Variants in VILL observed in about 807,000 individuals in gnomAD.
VILL encodes the protein villin-like protein.
A neutral mutation model predicts 106.3 loss-of-function variants in VILL; 102 were observed. The observed-to-expected ratio is 0.96, with a 90% CI of 0.82 to 1.13. The LOEUF (loss-of-function observed/expected upper bound fraction) is 1.13, where lower values mean the gene tolerates loss of function less well. VILL is among the 50% of genes most tolerant of loss of function. The pLI is 0.00. For synonymous variants in VILL, 431 were observed against 440.3 expected (o/e 0.98, Z 0.27); for missense variants, 1,076 against 1,116.6 (o/e 0.96, Z 0.52).
chr3:38,006,615 C>T lies in VILL; in HGVS notation c.2372C>T (p.Thr791Met), dbSNP rs747938968. ...AGCTCCGTCAGCAGCACCAGCGCCACGATCAACGGGGGCCTGCGCCGGGAA... is the reference window on the plus strand; with the variant it reads ...AGCTCCGTCAGCAGCACCAGCGCCATGATCAACGGGGGCCTGCGCCGGGAA... ...TSSSVSSTSA[T>M]INGGLRREQL... The change falls in exon 19 of 20, where the codon ACG becomes ATG. Residue 791 changes from threonine to methionine, a missense_variant. Thr to Met is a moderately conservative substitution (Grantham distance 81). Transcript: ENST00000383759. 1.6e-5 allele frequency: 26 copies of T among 1,613,942 alleles called. No homozygotes were observed. Among genetic ancestry groups the T allele is most frequent in the Middle Eastern group, 1.7e-4 (1 of 6,044 alleles).
At chr3:37,996,965 A>T in intron 5 of VILL, 112 bp from the exon 6 acceptor site, 1 of 856,892 alleles carries the variant, frequency 1.2e-6, no homozygotes, top group Non-Finnish European at 1.9e-6. Flanking sequence ...ACACATGCCT[A>T]CGTACACCCA....
upstream of VILL, among the ~76,000 whole-genome samples, chr3:37,988,700 C>CAAAA (rs1473908707): frequency 6.6e-6 from 1 of 151,992 alleles, no homozygotes; most frequent in Non-Finnish European, 1.5e-5. Flanking sequence ...CCGTCTCTAC[C>CAAAA]AAAAATACAA....
rs762462517 is a variant in VILL at position 38,006,547 on chromosome 3, T to C, written c.2304T>C (p.Asn768=). The C allele has an allele frequency of 1.9e-6, 3 of 1,614,070 alleles. No homozygotes were observed. The Admixed American group carries it at 5.0e-5, about 27-fold the overall frequency. ...AGGGCTCCCAGGACAGCTCAGAGAA[T>C]GATCTGGTGCGAAGCCCCAAGTCGG... The part of the protein sequence containing the change: ...ALKGSQDSSE[N]DLVRSPKSAG... The change falls in exon 19 of 20, where the codon AAT becomes AAC. Residue 768 remains asparagine, a synonymous_variant. Transcript: ENST00000383759.
At position 38,003,279 on chromosome 3, in the gene VILL, CT is replaced by C. The variant is rs1380457189; in HGVS notation, c.1772del (p.Leu591ArgfsTer83). The C allele has an allele frequency of 4.3e-6, 7 of 1,613,074 alleles. No homozygotes were observed. The East Asian group carries it at 1.6e-4, about 36-fold the overall frequency. ...GGAGCCTCCCCACTTCTGGGAGGCC[CT>C]GGGAGGCCGGGCCCCCTACCCCAGC... ...GQEPPHFWEA[L>X]GGRAPYPSNK... On this transcript the variant is annotated frameshift_variant, in exon 15 of 20. Transcript: ENST00000383759. LOFTEE classifies it high-confidence loss of function.
Position 38,006,931 on chromosome 3 carries a change from C to T in VILL, c.2458-11C>T, listed in dbSNP as rs762121864. On this transcript the variant is annotated splice_polypyrimidine_tract_variant and intron_variant, in intron 19 of 19. Coordinates refer to ENST00000383759, the MANE Select transcript of VILL (RefSeq NM_015873.4). ...CCCTACCCTGTACCTCCCCCTCTCT[C>T]CCCTGCCCAGTTCTATCTCTCAGAC... 20 of 1,610,434 alleles carry T rather than the reference C, an allele frequency of 1.2e-5. No homozygotes were observed. The highest frequency in any genetic ancestry group is 1.7e-4 in the Middle Eastern group (1 of 6,056).
At chr3:38,000,438 G>A (rs1011328128) in intron 11 of VILL, among the ~76,000 whole-genome samples, 3 of 151,922 alleles carry the variant, frequency 2.0e-5, no homozygotes, top group Non-Finnish European at 4.4e-5. Flanking sequence ...TGGGGTGGAG[G>A]AAGAGCAGGG....
chr3:37,998,047 G>A lies in VILL; in HGVS notation c.765-43G>A. 1 of 1,546,756 alleles carries A rather than the reference G, an allele frequency of 6.5e-7. No individual in the cohort carries two copies. Among genetic ancestry groups the A allele is most frequent in the Non-Finnish European group, 8.8e-7 (1 of 1,138,338 alleles). ...ATGGGGCTGGAGTGGAGACAGATCAGGGAGGGGCTGGGCTGGCCACTCCTG... is the reference window on the plus strand; with the variant it reads ...ATGGGGCTGGAGTGGAGACAGATCAAGGAGGGGCTGGGCTGGCCACTCCTG... On this transcript the variant is annotated intron_variant, in intron 7 of 19. Coordinates refer to ENST00000383759, the MANE Select transcript of VILL (RefSeq NM_015873.4). The surrounding 1 kb of genome is among the most constrained non-coding windows in gnomAD (Gnocchi z 4.1).
chr3:38,003,120 T>G, intron 14 of VILL, 48 bp from the exon 15 acceptor site: 1 of 1,598,902 alleles, frequency 6.3e-7, no homozygotes. Context: ...GGGCCGGAGG[T>G]GAAGGCCCCT....
chr3:37,994,865 C>T (rs1699673410), intron 4 of VILL, among the ~76,000 whole-genome samples: 1 of 152,252 alleles, frequency 6.6e-6, no homozygotes, highest in Non-Finnish European at 1.5e-5. Flanking sequence ...TCTTCCCTGA[C>T]GGGATCTTTT....
chr3:38,003,459 C>A, intron 15 of VILL, 146 bp downstream of exon 15: 2 of 1,092,714 alleles, frequency 1.8e-6, no homozygotes, highest in Non-Finnish European at 2.5e-6. Flanking sequence ...GAGGCTCCCA[C>A]AAGTACAGCC....
In VILL at chr3:37,997,808, G is replaced by A; in HGVS notation, c.764+123G>A. 2.6e-6 allele frequency: 3 copies of A among 1,160,510 alleles called. No homozygotes were observed. The highest frequency in any genetic ancestry group is 3.6e-6 in the Non-Finnish European group (3 of 830,394). The allele number at this position is 1,160,510 out of a possible 1,614,324, so 71.9% of individuals were successfully genotyped here. A position where few individuals can be genotyped will look rare whatever the true frequency, so the allele number is the denominator to read the frequency against. ...CAAAGGCTGCTGGGTTTCTGGGACA[G>A]GTCATGTGGACCGTGGGTCCAGCCT... On this transcript the variant is annotated intron_variant, in intron 7 of 19. Coordinates refer to ENST00000383759, the MANE Select transcript of VILL (RefSeq NM_015873.4). This position sits in a 1 kb window ranked among gnomAD's most constrained non-coding sequence, Gnocchi z 4.7.
At chr3:37,994,697 T>C (rs1422415111) in intron 4 of VILL, among the ~76,000 whole-genome samples, 1 of 152,210 alleles carries the variant, frequency 6.6e-6, no homozygotes, top group Non-Finnish European at 1.5e-5. Context: ...TTTTAGAACA[T>C]TTTCATCACC....
chr3:38,006,622 C>T lies in VILL; in HGVS notation c.2379C>T (p.Asn793=), dbSNP rs569801438. ...SSVSSTSATI[N]GGLRREQLMH... ...TCAGCAGCACCAGCGCCACGATCAA[C>T]GGGGGCCTGCGCCGGGAACAACTGA... The change falls in exon 19 of 20, where the codon AAC becomes AAT. Residue 793 remains asparagine, a synonymous_variant. Coordinates refer to ENST00000383759, the MANE Select transcript of VILL (RefSeq NM_015873.4). The T allele has an allele frequency of 8.1e-6, 13 of 1,613,980 alleles. No individual in the cohort carries two copies. The highest frequency in any genetic ancestry group is 8.0e-5 in the African/African-American group (6 of 75,074).
Position 37,998,183 on chromosome 3 carries a change from G to T in VILL, c.843+15G>T, listed in dbSNP as rs373343131. 3.8e-5 allele frequency: 62 copies of T among 1,613,846 alleles called. No individual in the cohort carries two copies. Among genetic ancestry groups the T allele is most frequent in the Non-Finnish European group, 4.8e-5 (57 of 1,179,914 alleles). ...TGCAGGAGGAGGTGAGGAAGGCCTGGCCCCAGCTACTTGCATCCTTCCCCA... is the reference window on the plus strand; with the variant it reads ...TGCAGGAGGAGGTGAGGAAGGCCTGTCCCCAGCTACTTGCATCCTTCCCCA... On this transcript the variant is annotated intron_variant, in intron 8 of 19. Transcript: ENST00000383759. This position sits in a 1 kb window ranked among gnomAD's most constrained non-coding sequence, Gnocchi z 4.1.
At chr3:37,994,166 C>G in intron 3 of VILL, 95 bp from the exon 4 acceptor site, 1 of 1,484,536 alleles carries the variant, frequency 6.7e-7, no homozygotes, top group Non-Finnish European at 9.1e-7. Flanking sequence ...AAGCCCCTGC[C>G]TAGCGTCTCC....
Position 38,001,811 on chromosome 3 carries a change from A to G in VILL, c.1430A>G (p.Glu477Gly), listed in dbSNP as rs1212479297. The change falls in exon 13 of 20, where the codon GAG becomes GGG. Residue 477 changes from glutamate (E) to glycine (G), a missense_variant. Transcript: ENST00000383759. ...CAGGAGCATGTGACCATGGGCAGCG[A>G]GCCCCCCCACTTCCTCGCCATCTTC... ...LVQEHVTMGS[E>G]PPHFLAIFQG... is the part of the protein sequence containing the mutation. The G allele has an allele frequency of 6.2e-7, 1 of 1,614,220 alleles. No homozygotes were observed.
chr3:37,992,684 C>T (rs1480524405), intron 1 of VILL, among the ~76,000 whole-genome samples: 1 of 152,160 alleles, frequency 6.6e-6, no homozygotes, highest in African/African-American at 2.4e-5. Flanking sequence ...ACGGACCCAG[C>T]TCTAACCCCC....
At chr3:37,996,962 C>A in intron 5 of VILL, 115 bp from the exon 6 acceptor site, 1 of 830,270 alleles carries the variant, frequency 1.2e-6, no homozygotes, top group Non-Finnish European at 2.0e-6. Context: ...GTCACACATG[C>A]CTACGTACAC....
At chr3:38,003,654 G>A (rs969562863) in intron 15 of VILL, 1 of 306,806 alleles carries the variant, frequency 3.3e-6, no homozygotes, top group Non-Finnish European at 6.3e-6. Flanking sequence ...TGTATACAGT[G>A]TCATATGATG....
Sources: allele counts gnomAD v4.1 joint callset (sites outside exome capture counted in the v4.1 genomes callset), GRCh38; gene constraint gnomAD v4.1.1; non-coding constraint Gnocchi (gnomAD v3.1); transcripts MANE v1.5; gene names NCBI Gene and HGNC (gene_info 2026-07-23, HGNC 2026-07-21).